Variants in OSBPL1A observed in about 807,000 individuals in gnomAD.
OSBPL1A encodes oxysterol binding protein like 1A.
A neutral mutation model predicts 137.1 loss-of-function variants in OSBPL1A; 80 were observed. The observed-to-expected ratio is 0.58, with a 90% CI of 0.49 to 0.70. The LOEUF is 0.70. Among genes scored for constraint, OSBPL1A ranks in the 30% least tolerant of loss-of-function variants. The pLI is 0.00. For synonymous variants in OSBPL1A, 365 were observed against 389.7 expected (o/e 0.94, Z 0.75); for missense variants, 970 against 1,129.4 (o/e 0.86, Z 2.02).
In OSBPL1A at chr18:24,179,464, C is replaced by A. The variant is rs367783671; in HGVS notation, c.1910+274G>T. ...AAAAAAAAACAAAACAAAACTCGAT[C>A]ATGTCTCATGATCTACATAAGGAAA... On this transcript the variant is annotated intron_variant, in intron 20 of 27. Coordinates refer to ENST00000319481, the MANE Select transcript of OSBPL1A (RefSeq NM_080597.4). Among the ~76,000 whole-genome samples, 6 of 151,318 alleles carry A rather than the reference C, an allele frequency of 4.0e-5. No homozygotes were observed. The East Asian group carries it at 5.8e-4, about 15-fold the overall frequency.
At chr18:24,392,278 A>G (rs1157022158) in intron 1 of OSBPL1A, among the ~76,000 whole-genome samples, 1 of 152,160 alleles carries the variant, frequency 6.6e-6, no homozygotes, top group African/African-American at 2.4e-5. Context: ...CTCCTGCCTC[A>G]GCCTCCCGAG....
chr18:24,318,955 T>C, intron 7 of OSBPL1A, 146 bp from the exon 8 acceptor site: 1 of 695,668 alleles, frequency 1.4e-6, no homozygotes, highest in Non-Finnish European at 2.4e-6. Flanking sequence ...CAGAGAGAGG[T>C]TGCCATCTCA....
intron 15 of OSBPL1A, among the ~76,000 whole-genome samples, chr18:24,278,809 AT>A (rs11352875): frequency 0.084 from 12,794 of 152,208 alleles, 1,781 homozygotes; most frequent in African/African-American, 0.29. Context: ...TTTCAAAGAT[AT>A]TCTGAATGCA....
At chr18:24,185,579 A>G (rs1344068997) in intron 18 of OSBPL1A, among the ~76,000 whole-genome samples, 1 of 152,078 alleles carries the variant, frequency 6.6e-6, no homozygotes, top group African/African-American at 2.4e-5. Flanking sequence ...TCGGCCTCCC[A>G]AAGTGCTGAG....
intron 25 of OSBPL1A, 111 bp from the exon 26 acceptor site, chr18:24,166,813 T>C (rs2086155245): frequency 9.0e-7 from 1 of 1,106,550 alleles, no homozygotes; most frequent in Non-Finnish European, 1.3e-6. Context: ...CCTTTCATGG[T>C]AACAATGGTC....
At chr18:24,299,920 T>G (rs1044326145) in intron 14 of OSBPL1A, among the ~76,000 whole-genome samples, 3 of 152,192 alleles carry the variant, frequency 2.0e-5, no homozygotes, top group Non-Finnish European at 1.5e-5. Context: ...AATCCTGAGT[T>G]ACTGTGATCA....
intron 17 of OSBPL1A, among the ~76,000 whole-genome samples, chr18:24,196,744 T>C (rs2087045453): frequency 6.6e-6 from 1 of 152,240 alleles, no homozygotes; most frequent in Admixed American, 6.5e-5. Flanking sequence ...ATTTAGGCCC[T>C]GTAACATACA....
intron 17 of OSBPL1A, among the ~76,000 whole-genome samples, chr18:24,203,574 C>T (rs543137546): frequency 2.0e-5 from 3 of 152,178 alleles, no homozygotes; most frequent in Admixed American, 1.3e-4. Context: ...GCATCTCACA[C>T]ACGCTGGTTT....
Position 24,332,979 on chromosome 18 carries a change from T to A in OSBPL1A, c.588A>T (p.Leu196=). The change falls in exon 7 of 28, where the codon CTA becomes CTT. Residue 196 remains leucine (L), a synonymous_variant. Coordinates refer to ENST00000319481, the MANE Select transcript of OSBPL1A (RefSeq NM_080597.4). ...TCAGATTAGGGTCTGCTCCACTTCTTAGAAGCTTTAAGGCACATTGTTTAT... is the reference window on the plus strand; with the variant it reads ...TCAGATTAGGGTCTGCTCCACTTCTAAGAAGCTTTAAGGCACATTGTTTAT... ...RAHKQCALKL[L]RSGADPNLKN... 6.2e-7 allele frequency: 1 copy of A among 1,614,210 alleles called. No individual in the cohort carries two copies. Among genetic ancestry groups the A allele is most frequent in the South Asian group, 1.1e-5 (1 of 91,090 alleles).
intron 15 of OSBPL1A, among the ~76,000 whole-genome samples, chr18:24,270,246 A>G (rs1274262901): frequency 6.6e-6 from 1 of 152,208 alleles, no homozygotes; most frequent in Non-Finnish European, 1.5e-5. Flanking sequence ...TTGTACATGG[A>G]GCTTAGATTA....
chr18:24,262,426 T>C (rs2089464181), intron 15 of OSBPL1A, among the ~76,000 whole-genome samples: 2 of 151,668 alleles, frequency 1.3e-5, no homozygotes, highest in Non-Finnish European at 2.9e-5. Flanking sequence ...CAGAGGTAAA[T>C]AATCATTTTT....
At chr18:24,241,417 A>C (rs907894071) in intron 15 of OSBPL1A, among the ~76,000 whole-genome samples, 4 of 152,212 alleles carry the variant, frequency 2.6e-5, no homozygotes, top group East Asian at 3.8e-4. Context: ...CAATGAACTT[A>C]AACAAATTTA....
At chr18:24,212,794 A>G (rs1599500772) in intron 17 of OSBPL1A, among the ~76,000 whole-genome samples, 1 of 152,214 alleles carries the variant, frequency 6.6e-6, no homozygotes, top group Non-Finnish European at 1.5e-5. Context: ...TTATATATGA[A>G]ATACTTGGCA....
intron 18 of OSBPL1A, among the ~76,000 whole-genome samples, chr18:24,187,432 A>T (rs1236022724): frequency 6.6e-6 from 1 of 152,162 alleles, no homozygotes; most frequent in East Asian, 1.9e-4. Context: ...CCAAGGGGAA[A>T]AAAATGAGCT....
rs568068959 is a variant in OSBPL1A, at chr18:24,361,097, G to A, written c.282+5795C>T. ...CAGGCTGGAGTGTGGTGGCACAACT[G>A]CGGCTCACTGCAGCCTCAACTTCCT... On this transcript the variant is annotated intron_variant, in intron 4 of 27. Transcript: ENST00000319481. Among the ~76,000 whole-genome samples the A allele has an allele frequency of 2.0e-5, 3 of 152,222 alleles. No individual in the cohort carries two copies. The East Asian group carries it at 5.8e-4, about 29-fold the overall frequency.
chr18:24,272,095 C>T, intron 15 of OSBPL1A: 16 of 982,976 alleles, frequency 1.6e-5, no homozygotes, highest in Non-Finnish European at 1.9e-5. Flanking sequence ...AGGTAGGGAC[C>T]GCCGGGGAAG....
chr18:24,195,067 G>C (rs990318255), intron 18 of OSBPL1A, among the ~76,000 whole-genome samples: 7 of 152,202 alleles, frequency 4.6e-5, no homozygotes, highest in African/African-American at 9.7e-5. Flanking sequence ...GGAAGGCTGA[G>C]GTGGGAGGAC....
intron 17 of OSBPL1A, among the ~76,000 whole-genome samples, chr18:24,220,818 G>C (rs1382212701): frequency 6.6e-6 from 1 of 151,474 alleles, no homozygotes; most frequent in Non-Finnish European, 1.5e-5. Flanking sequence ...GTTTTGTTTT[G>C]GTTTTTTTTT....
At chr18:24,331,620 T>G (rs2091079923) in intron 7 of OSBPL1A, among the ~76,000 whole-genome samples, 1 of 150,454 alleles carries the variant, frequency 6.6e-6, no homozygotes, top group African/African-American at 2.5e-5. Context: ...ATGGTCTCGA[T>G]CTCCTGACCT....
Sources: allele counts gnomAD v4.1 joint callset (sites outside exome capture counted in the v4.1 genomes callset), GRCh38; gene constraint gnomAD v4.1.1; transcripts MANE v1.5; gene names NCBI Gene and HGNC (gene_info 2026-07-23, HGNC 2026-07-21).